ACBD6: variants seen among roughly 807,000 people sequenced by gnomAD.
ACBD6 encodes the protein acyl-CoA binding domain containing 6, also known as acyl-CoA-binding domain-containing protein 6.
Under a neutral mutation model 37.2 loss-of-function variants are expected in ACBD6, and 28 were observed. The ratio of observed to expected loss-of-function variants is 0.75; its 90% CI spans 0.56 to 1.03. The LOEUF is 1.03. Ranked by LOEUF, ACBD6 falls within the 50% of genes least tolerant of loss-of-function variation. ACBD6 has a pLI of 0.00. For synonymous variants in ACBD6, 113 were observed against 126.8 expected (o/e 0.89, Z 0.73); for missense variants, 340 against 337.4 (o/e 1.01, Z -0.06).
chr1:180,290,014 A>G (rs1649638336), intron 7 of ACBD6, among the ~76,000 whole-genome samples: 1 of 152,168 alleles, frequency 6.6e-6, no homozygotes, highest in African/African-American at 2.4e-5. Flanking sequence ...AGGTTCAAAG[A>G]TATTGGTGAT....
At chr1:180,279,231 A>AGACTT (rs1267680957) in intron 9 of ACBD6, among the ~76,000 whole-genome samples, 2 of 152,230 alleles carry the variant, frequency 1.3e-5, no homozygotes, top group African/African-American at 4.8e-5. Context: ...CTCTGCCCCC[A>AGACTT]GACTTAGGAA....
chr1:180,377,156 T>C (rs1293414469), intron 6 of ACBD6, among the ~76,000 whole-genome samples: 1 of 152,206 alleles, frequency 6.6e-6, no homozygotes, highest in Non-Finnish European at 1.5e-5. Flanking sequence ...GAGCTGAGTT[T>C]CTGTGAGAAA....
intron 3 of ACBD6, among the ~76,000 whole-genome samples, chr1:180,465,127 T>C (rs567360376): frequency 1.3e-5 from 2 of 152,178 alleles, no homozygotes; most frequent in East Asian, 3.9e-4. Context: ...AAAGATTTCA[T>C]GACAAAGAAA....
downstream of ACBD6, chr1:180,287,066 T>A (rs1468742366): frequency 6.6e-6 from 1 of 152,142 alleles, no homozygotes; most frequent in African/African-American, 2.4e-5. Flanking sequence ...ATTCCCCAGA[T>A]GGAGCTTTTG....
downstream of ACBD6, among the ~76,000 whole-genome samples, chr1:180,284,242 C>T (rs1649399956): frequency 6.6e-6 from 1 of 152,170 alleles, no homozygotes; most frequent in African/African-American, 2.4e-5. Flanking sequence ...TTTAATCCAA[C>T]ATCTCTCTGG....
Position 180,323,865 on chromosome 1 carries a change from CTT to C in ACBD6, c.664-9145_664-9144del, listed in dbSNP as rs904434230. ...TTTAATCCACTCAGTTACTCTATGT[CTT>C]TTTTTTTTTTTTTTTTTTTTTTTGA... On this transcript the variant is annotated intron_variant, in intron 6 of 7. Coordinates refer to ENST00000367595, the MANE Select transcript of ACBD6 (RefSeq NM_032360.4). 6.7e-3 allele frequency among the ~76,000 whole-genome samples: 34 copies of C among 5,096 alleles called. 2 individuals carry two copies. The highest frequency in any genetic ancestry group is 0.012 in the South Asian group (1 of 82). The allele number at this position is 5,096 out of a possible 152,430, so 3.3% of individuals were successfully genotyped here.
chr1:180,464,873 A>G (rs919724097), intron 3 of ACBD6, among the ~76,000 whole-genome samples: 1 of 152,154 alleles, frequency 6.6e-6, no homozygotes, highest in African/African-American at 2.4e-5. Context: ...GAGCCCAGAA[A>G]TAAGGCCTCA....
At chr1:180,453,925 G>A (rs1401781608) in intron 3 of ACBD6, among the ~76,000 whole-genome samples, 2 of 152,078 alleles carry the variant, frequency 1.3e-5, no homozygotes, top group African/African-American at 4.8e-5. Context: ...TTCCATGCAC[G>A]TGGATAGGAA....
In ACBD6 at chr1:180,437,510, GA is replaced by G. The variant is rs372466994; in HGVS notation, c.385-7249del. On this transcript the variant is annotated intron_variant, in intron 3 of 7. Coordinates refer to ENST00000367595, the MANE Select transcript of ACBD6 (RefSeq NM_032360.4). ...TTGTTGTAGTGGTATGAGAGCAGAG[GA>G]AAAACACAGTTTGAAAGTTTTTCCT... is the stretch of plus-strand genomic sequence containing the variant. 1.7e-4 allele frequency among the ~76,000 whole-genome samples: 26 copies of G among 152,274 alleles called. No homozygotes were observed. In the South Asian group the frequency reaches 5.4e-3, roughly 32 times the overall value.
intron 6 of ACBD6, among the ~76,000 whole-genome samples, chr1:180,376,367 A>C (rs1190636787): frequency 6.6e-6 from 1 of 152,224 alleles, no homozygotes; most frequent in African/African-American, 2.4e-5. Context: ...ACATGAAAAT[A>C]CATATGTACA....
chr1:180,486,060 T>C (rs1299270459), intron 3 of ACBD6, among the ~76,000 whole-genome samples: 4 of 151,934 alleles, frequency 2.6e-5, no homozygotes, highest in African/African-American at 4.8e-5. Flanking sequence ...GAGCCCCGAG[T>C]GTCCCTACAC....
intron 1 of ACBD6, among the ~76,000 whole-genome samples, chr1:180,501,056 C>T (rs1651952401): frequency 1.3e-5 from 2 of 152,148 alleles, no homozygotes; most frequent in African/African-American, 4.8e-5. Context: ...ATACACCTCC[C>T]TATTTCCAGG....
At chr1:180,399,616 T>C (rs1165263096) in intron 5 of ACBD6, among the ~76,000 whole-genome samples, 1 of 152,222 alleles carries the variant, frequency 6.6e-6, no homozygotes, top group African/African-American at 2.4e-5. Flanking sequence ...GGTGAAAATG[T>C]ATTGTTGAGT....
At chr1:180,299,480 T>G (rs943752860) in intron 7 of ACBD6, among the ~76,000 whole-genome samples, 3 of 152,194 alleles carry the variant, frequency 2.0e-5, no homozygotes, top group African/African-American at 7.2e-5. Flanking sequence ...GCCCTGACAC[T>G]GGCACAGGTG....
chr1:180,314,476 C>T (rs1650715663), intron 7 of ACBD6, among the ~76,000 whole-genome samples: 1 of 152,160 alleles, frequency 6.6e-6, no homozygotes, highest in Non-Finnish European at 1.5e-5. Flanking sequence ...AACTCCTGAC[C>T]TCAAGTGATC....
chr1:180,473,169 C>T (rs1343906500), intron 3 of ACBD6, among the ~76,000 whole-genome samples: 2 of 152,130 alleles, frequency 1.3e-5, no homozygotes, highest in South Asian at 2.1e-4. Flanking sequence ...TTACACGGGC[C>T]GGGCACGGTG....
intron 7 of ACBD6, among the ~76,000 whole-genome samples, chr1:180,292,378 T>C (rs1347967688): frequency 5.3e-5 from 8 of 152,174 alleles, no homozygotes; most frequent in Non-Finnish European, 1.2e-4. Flanking sequence ...CAAATCTTAC[T>C]CTTATTTTGT....
intron 6 of ACBD6, among the ~76,000 whole-genome samples, chr1:180,352,094 A>C (rs1304765166): frequency 6.6e-6 from 1 of 152,190 alleles, no homozygotes; most frequent in Non-Finnish European, 1.5e-5. Flanking sequence ...CATGTAGTCA[A>C]ATTCAGAGAG....
At chr1:180,418,628 A>T (rs1648200120) in intron 4 of ACBD6, among the ~76,000 whole-genome samples, 1 of 152,196 alleles carries the variant, frequency 6.6e-6, no homozygotes, top group Admixed American at 6.5e-5. Context: ...GTAAAATCAA[A>T]TCCTAAATCA....
Sources: gnomAD v4.1 joint callset for allele counts (sites outside exome capture counted in the v4.1 genomes callset) on GRCh38, gnomAD v4.1.1 for gene constraint, MANE v1.5 for transcripts, NCBI Gene and HGNC (gene_info 2026-07-23, HGNC 2026-07-21) for gene names.